The following FOXP2 variants were observed in gnomAD, a reference collection of about 807,000 sequenced individuals.
The protein encoded by FOXP2 is forkhead box protein P2.
In FOXP2, 12 loss-of-function variants were observed where a neutral mutation model predicts 115.8. The observed-to-expected ratio is 0.10, with a 90% CI of 0.07 to 0.17. FOXP2 has a LOEUF of 0.17. Among genes scored for constraint, FOXP2 ranks in the 10% least tolerant of loss-of-function variants. The pLI, the probability that FOXP2 is intolerant of heterozygous loss-of-function variation, is 1.00. For missense variants in FOXP2, 629 were observed against 843.5 expected (o/e 0.75, Z 3.15); for synonymous variants, 328 against 297.7 (o/e 1.10, Z -1.05).
At chr7:114,366,020 A>C (rs1002628408) in intron 2 of FOXP2, among the ~76,000 whole-genome samples, 13 of 152,136 alleles carry the variant, frequency 8.5e-5, no homozygotes, top group Non-Finnish European at 5.9e-5. Context: ...TGACAATACA[A>C]TCATTTAAAA....
chr7:114,294,896 A>T (rs1288010522), intron 2 of FOXP2, among the ~76,000 whole-genome samples: 1 of 151,594 alleles, frequency 6.6e-6, no homozygotes, highest in African/African-American at 2.4e-5. Context: ...ACATACATAC[A>T]TGCATGCATG....
intron 2 of FOXP2, among the ~76,000 whole-genome samples, chr7:114,491,368 G>A (rs1797043817): frequency 6.6e-6 from 1 of 151,976 alleles, no homozygotes; most frequent in Non-Finnish European, 1.5e-5. Context: ...TTTTTTTCTT[G>A]TAAATTTGTT....
chr7:114,642,037 C>T (rs1389552275), intron 6 of FOXP2, among the ~76,000 whole-genome samples: 1 of 151,960 alleles, frequency 6.6e-6, no homozygotes, highest in East Asian at 1.9e-4. Context: ...AACTCCTGGC[C>T]TCAAGTGATT....
Position 114,097,108 on chromosome 7 carries a change from G to T in FOXP2, c.-247+9270G>T, listed in dbSNP as rs557996820. 1.5e-3 allele frequency among the ~76,000 whole-genome samples: 235 copies of T among 152,144 alleles called. 2 individuals carry two copies. The highest frequency in any genetic ancestry group is 5.5e-3 in the African/African-American group (230 of 41,512). On this transcript the variant is annotated intron_variant, in intron 1 of 19. Coordinates refer to the FOXP2 transcript ENST00000635638. ...ATTTTAATTACTCATCTTTATAATT[G>T]TTTTAAGCACTTTCATCATTTTTTA...
intron 2 of FOXP2, among the ~76,000 whole-genome samples, chr7:114,353,921 G>T (rs1387316048): frequency 6.6e-6 from 1 of 152,078 alleles, no homozygotes; most frequent in African/African-American, 2.4e-5. Context: ...TCCTATGATG[G>T]TTAATCTTAT....
chr7:114,142,054 C>T lies in FOXP2; in HGVS notation c.-246-20890C>T, dbSNP rs545865499. Among the ~76,000 whole-genome samples, 13 of 152,084 alleles carry T rather than the reference C, an allele frequency of 8.5e-5. No individual in the cohort carries two copies. The East Asian group carries it at 1.4e-3, about 16-fold the overall frequency. ...ATTGTTTTTTTTTTAGACTGAGTCT[C>T]GCTCTGTCGCCAGGCTGGAGTGCAA... On this transcript the variant is annotated intron_variant, in intron 1 of 19. Transcript: ENST00000635638.
intron 3 of FOXP2, among the ~76,000 whole-genome samples, chr7:114,550,449 C>T (rs1458861760): frequency 6.6e-6 from 1 of 152,082 alleles, no homozygotes; most frequent in Non-Finnish European, 1.5e-5. Flanking sequence ...TTTCTTTCTT[C>T]CAACCTCCCT....
chr7:114,093,905 G>A (rs1019540539), intron 1 of FOXP2, among the ~76,000 whole-genome samples: 1 of 151,998 alleles, frequency 6.6e-6, no homozygotes, highest in Non-Finnish European at 1.5e-5. Context: ...TTTACCGAAA[G>A]TTAAACTGAT....
intron 2 of FOXP2, among the ~76,000 whole-genome samples, chr7:114,317,199 T>C (rs1429599873): frequency 6.6e-6 from 1 of 152,212 alleles, no homozygotes. Context: ...ATTTCTGTGA[T>C]TTTCCCAATT....
At chr7:114,587,421 C>G (rs1802196370) in intron 3 of FOXP2, among the ~76,000 whole-genome samples, 1 of 152,114 alleles carries the variant, frequency 6.6e-6, no homozygotes, top group Admixed American at 6.6e-5. Context: ...ATCCATGTCC[C>G]TGCACAGGAC....
At chr7:114,630,239 C>G (rs755952233) in intron 5 of FOXP2, among the ~76,000 whole-genome samples, 1 of 152,074 alleles carries the variant, frequency 6.6e-6, no homozygotes, top group Non-Finnish European at 1.5e-5. Flanking sequence ...ACTAATGAAT[C>G]ACAGTACAAA....
chr7:114,120,696 G>GTA (rs1186775461), intron 1 of FOXP2, among the ~76,000 whole-genome samples: 2 of 145,472 alleles, frequency 1.4e-5, no homozygotes, highest in Non-Finnish European at 3.0e-5. Context: ...GTGTGTATAT[G>GTA]TATGTGTGTG....
intron 2 of FOXP2, among the ~76,000 whole-genome samples, chr7:114,453,665 A>G (rs1461588022): frequency 1.3e-5 from 2 of 152,010 alleles, no homozygotes; most frequent in East Asian, 3.9e-4. Context: ...CTTTGGCAGC[A>G]TTTGTCCCCG....
intron 2 of FOXP2, among the ~76,000 whole-genome samples, chr7:114,534,348 T>A (rs1799275120): frequency 6.6e-6 from 1 of 151,880 alleles, no homozygotes; most frequent in South Asian, 2.1e-4. Context: ...AGGTTATTGA[T>A]GCAGTTTATG....
intron 3 of FOXP2, among the ~76,000 whole-genome samples, chr7:114,609,212 C>CAA (rs960716714): frequency 3.3e-5 from 3 of 92,224 alleles, no homozygotes; most frequent in Non-Finnish European, 4.5e-5. Context: ...GACTCTGTCT[C>CAA]AAAAAAAAAA....
chr7:114,686,135 T>G (rs1808350059), intron 16 of FOXP2, among the ~76,000 whole-genome samples: 1 of 152,144 alleles, frequency 6.6e-6, no homozygotes, highest in Admixed American at 6.5e-5. Flanking sequence ...AATAAGTTTT[T>G]TTTATACTAT....
chr7:114,441,688 G>A (rs1794614119), intron 2 of FOXP2, among the ~76,000 whole-genome samples: 2 of 152,182 alleles, frequency 1.3e-5, no homozygotes, highest in Middle Eastern at 3.4e-3. Flanking sequence ...TTTAAAATAA[G>A]CCAAGTATTT....
intron 16 of FOXP2, among the ~76,000 whole-genome samples, chr7:114,674,650 T>C (rs1209667114): frequency 6.6e-6 from 1 of 152,210 alleles, no homozygotes; most frequent in Non-Finnish European, 1.5e-5. Context: ...AACTCTGTTG[T>C]ATAATTTCTT....
At chr7:114,473,918 C>T (rs927672124) in intron 2 of FOXP2, among the ~76,000 whole-genome samples, 1 of 151,996 alleles carries the variant, frequency 6.6e-6, no homozygotes, top group Non-Finnish European at 1.5e-5. Flanking sequence ...ATGTCTGTAA[C>T]AACAACAAAA....
Sources: gnomAD v4.1 joint callset for allele counts (sites outside exome capture counted in the v4.1 genomes callset) on GRCh38, gnomAD v4.1.1 for gene constraint, MANE v1.5 for transcripts, NCBI Gene and HGNC (gene_info 2026-07-23, HGNC 2026-07-21) for gene names.